The following SCHIP1 variants were observed in gnomAD, a reference collection of about 807,000 sequenced individuals.
SCHIP1 encodes schwannomin-interacting protein 1.
Under a neutral mutation model 29.7 loss-of-function variants are expected in SCHIP1, and 8 were observed. That is an observed-to-expected ratio of 0.27 (90% confidence interval 0.16 to 0.49). The LOEUF (loss-of-function observed/expected upper bound fraction) is 0.49, where lower values mean the gene tolerates loss of function less well. Among genes scored for constraint, SCHIP1 ranks in the 20% least tolerant of loss-of-function variants. SCHIP1 has a pLI of 0.99. For missense variants in SCHIP1, 193 were observed against 294.6 expected (o/e 0.66, Z 2.52); for synonymous variants, 76 against 94.9 (o/e 0.80, Z 1.16).
chr3:159,438,479 A>G, the SCHIP1 span, among the ~76,000 whole-genome samples: 1 of 152,160 alleles, frequency 6.6e-6, no homozygotes, highest in East Asian at 1.9e-4. Flanking sequence ...TTCTGCAGTC[A>G]TTTTTTATCT....
At chr3:159,892,234 G>A in intron 6 of SCHIP1, 44 bp downstream of exon 7, 1 of 1,609,396 alleles carries the variant, frequency 6.2e-7, no homozygotes, top group East Asian at 2.2e-5. Context: ...AGCCCAGGGT[G>A]GTCTGAAATC....
chr3:159,775,332 C>A, the SCHIP1 span, among the ~76,000 whole-genome samples: 11,711 of 152,196 alleles, frequency 0.077, 1,467 homozygotes, highest in African/African-American at 0.26. Context: ...CCACAGGTTG[C>A]TGGAGCTGCT....
chr3:159,402,627 T>C, the SCHIP1 span, among the ~76,000 whole-genome samples: 2 of 152,200 alleles, frequency 1.3e-5, no homozygotes, highest in Non-Finnish European at 2.9e-5. Context: ...TCATGTCCTT[T>C]GTAGGGACAT....
the SCHIP1 span, among the ~76,000 whole-genome samples, chr3:159,692,455 C>G: frequency 6.6e-6 from 1 of 152,172 alleles, no homozygotes; most frequent in African/African-American, 2.4e-5. Context: ...CTTGTCTTCA[C>G]ACTTTATTTC....
At chr3:159,287,586 A>G in the SCHIP1 span, among the ~76,000 whole-genome samples, 1 of 152,216 alleles carries the variant, frequency 6.6e-6, no homozygotes. Context: ...AGATAATTAT[A>G]ATAGCTAAAA....
At chr3:159,637,989 TTG>T in the SCHIP1 span, among the ~76,000 whole-genome samples, 1 of 152,208 alleles carries the variant, frequency 6.6e-6, no homozygotes. Flanking sequence ...CTCTTCAAAA[TTG>T]TCTCTCCATA....
chr3:159,438,651 C>A, the SCHIP1 span, among the ~76,000 whole-genome samples: 3 of 152,238 alleles, frequency 2.0e-5, no homozygotes, highest in South Asian at 2.1e-4. Context: ...TACCTCCCAC[C>A]CTTTGACATA....
the SCHIP1 span, among the ~76,000 whole-genome samples, chr3:159,661,606 G>A: frequency 4.6e-5 from 7 of 152,320 alleles, no homozygotes; most frequent in East Asian, 5.8e-4. Flanking sequence ...CCCCAAACAC[G>A]TAGTGTTTTG....
the SCHIP1 span, among the ~76,000 whole-genome samples, chr3:159,566,973 C>A: frequency 6.6e-6 from 1 of 152,094 alleles, no homozygotes; most frequent in Non-Finnish European, 1.5e-5. Context: ...TGTTTCACAT[C>A]TTTCTAATTC....
chr3:159,631,912 C>T, the SCHIP1 span, among the ~76,000 whole-genome samples: 1 of 152,054 alleles, frequency 6.6e-6, no homozygotes, highest in South Asian at 2.1e-4. Context: ...GTGTGATATG[C>T]ACCCCCCACC....
At chr3:159,888,908 A>G in exon 5 of SCHIP1, 1 of 1,614,158 alleles carries the variant, frequency 6.2e-7, no homozygotes, top group Non-Finnish European at 8.5e-7. Flanking sequence ...GGGCAGCTAC[A>G]AGTGATAGTC....
chr3:159,764,458 G>T, the SCHIP1 span: 1 of 1,594,324 alleles, frequency 6.3e-7, no homozygotes, highest in Non-Finnish European at 8.5e-7. This position sits in a 1 kb window ranked among gnomAD's most constrained non-coding sequence, Gnocchi z 6.1. Flanking sequence ...CCGAGAGGAT[G>T]GGATGGATCT....
the SCHIP1 span, among the ~76,000 whole-genome samples, chr3:159,713,163 A>G: frequency 1.3e-5 from 2 of 151,368 alleles, no homozygotes; most frequent in African/African-American, 2.4e-5. Context: ...CAAAAAAAAA[A>G]AAGAAGAAAG....
At chr3:159,790,351 T>G in the SCHIP1 span, among the ~76,000 whole-genome samples, 1 of 152,260 alleles carries the variant, frequency 6.6e-6, no homozygotes, top group African/African-American at 2.4e-5. Flanking sequence ...TATGCTCGGT[T>G]TCCTTTCTTG....
chr3:159,601,083 AGG>A, the SCHIP1 span, among the ~76,000 whole-genome samples: 1 of 152,116 alleles, frequency 6.6e-6, no homozygotes, highest in African/African-American at 2.4e-5. Flanking sequence ...TTTGTGCCCC[AGG>A]GTGGTGTACA....
the SCHIP1 span, among the ~76,000 whole-genome samples, chr3:159,761,023 G>A: frequency 6.6e-6 from 1 of 152,228 alleles, no homozygotes. Flanking sequence ...CTTCCCTGAG[G>A]AAGTAACATT....
At chr3:159,707,787 T>C in the SCHIP1 span, among the ~76,000 whole-genome samples, 1 of 152,226 alleles carries the variant, frequency 6.6e-6, no homozygotes, top group Non-Finnish European at 1.5e-5. Flanking sequence ...TTAATGATTA[T>C]TGGATTCCTT....
chr3:159,820,062 G>T, the SCHIP1 span, among the ~76,000 whole-genome samples: 1 of 152,114 alleles, frequency 6.6e-6, no homozygotes, highest in Non-Finnish European at 1.5e-5. Flanking sequence ...TTTTTTGGGG[G>T]GATCACATAG....
the SCHIP1 span, among the ~76,000 whole-genome samples, chr3:159,600,542 A>T: frequency 6.6e-6 from 1 of 152,178 alleles, no homozygotes; most frequent in East Asian, 1.9e-4. Flanking sequence ...ACTCTGGTTT[A>T]TTTAACAAAA....
Sources: gnomAD v4.1 joint callset for allele counts (sites outside exome capture counted in the v4.1 genomes callset) on GRCh38, gnomAD v4.1.1 for gene constraint, Gnocchi (gnomAD v3.1) non-coding constraint, MANE v1.5 for transcripts, NCBI Gene and HGNC (gene_info 2026-07-23, HGNC 2026-07-21) for gene names.